Variants in LMNTD1 observed in about 807,000 individuals in gnomAD.
The protein encoded by LMNTD1 is lamin tail domain containing 1.
Under a neutral mutation model 50.9 loss-of-function variants are expected in LMNTD1, and 35 were observed. The ratio of observed to expected loss-of-function variants is 0.69; its 90% CI spans 0.53 to 0.91. The LOEUF is 0.91. Among genes scored for constraint, LMNTD1 ranks in the 40% least tolerant of loss-of-function variants. LMNTD1 has a pLI of 0.00. For synonymous variants in LMNTD1, 153 were observed against 161.9 expected (o/e 0.94, Z 0.42); for missense variants, 470 against 475.5 (o/e 0.99, Z 0.11).
At chr12:25,538,997 T>A (rs1361085020) in intron 4 of LMNTD1, among the ~76,000 whole-genome samples, 317 of 149,984 alleles carry the variant, frequency 2.1e-3, no homozygotes, top group African/African-American at 6.1e-3. Context: ...ATAATGGTAA[T>A]GGGATCAATT....
chr12:25,484,919 G>C (rs1415313721), intron 9 of LMNTD1, among the ~76,000 whole-genome samples: 1 of 149,852 alleles, frequency 6.7e-6, no homozygotes, highest in South Asian at 2.1e-4. Context: ...GGACATTTGG[G>C]TTGGTTCCAA....
chr12:25,644,679 C>T (rs1474845823), intron 1 of LMNTD1, among the ~76,000 whole-genome samples: 1 of 151,976 alleles, frequency 6.6e-6, no homozygotes, highest in African/African-American at 2.4e-5. Context: ...TATATGTTGC[C>T]TGGAATGACA....
chr12:25,570,770 C>G (rs1228045303), intron 1 of LMNTD1, among the ~76,000 whole-genome samples: 1 of 152,170 alleles, frequency 6.6e-6, no homozygotes, highest in East Asian at 1.9e-4. Context: ...CTAAAAGAAA[C>G]TTTTGCTAGC....
chr12:25,600,648 G>C (rs1945946773), intron 1 of LMNTD1, among the ~76,000 whole-genome samples: 1 of 151,974 alleles, frequency 6.6e-6, no homozygotes, highest in African/African-American at 2.4e-5. Context: ...GATTTGAATA[G>C]ACATTTCTCA....
intron 1 of LMNTD1, among the ~76,000 whole-genome samples, chr12:25,572,033 T>G (rs1438320372): frequency 6.6e-6 from 1 of 152,070 alleles, no homozygotes; most frequent in Non-Finnish European, 1.5e-5. Flanking sequence ...AGACCAGAGG[T>G]TCCTCCCCTA....
chr12:25,549,293 A>G (rs777570456), intron 3 of LMNTD1, 33 bp downstream of exon 3: 9 of 1,211,180 alleles, frequency 7.4e-6, no homozygotes, highest in Admixed American at 3.8e-5. Context: ...CTTTAAAAGT[A>G]CTCTAAAAAT....
At chr12:25,535,471 T>C (rs1028084677) in intron 4 of LMNTD1, among the ~76,000 whole-genome samples, 2 of 151,986 alleles carry the variant, frequency 1.3e-5, no homozygotes, top group Non-Finnish European at 2.9e-5. Flanking sequence ...TCAAAAAGCA[T>C]AACAACCCCA....
At chr12:25,597,760 C>T (rs779958757) in intron 1 of LMNTD1, among the ~76,000 whole-genome samples, 1 of 152,134 alleles carries the variant, frequency 6.6e-6, no homozygotes, top group Admixed American at 6.6e-5. Flanking sequence ...CAAGACAAAT[C>T]TTAAAACTTT....
chr12:25,614,913 C>T (rs1459777624), intron 1 of LMNTD1, among the ~76,000 whole-genome samples: 1 of 152,170 alleles, frequency 6.6e-6, no homozygotes, highest in Non-Finnish European at 1.5e-5. Flanking sequence ...ACACTGTCTT[C>T]CCTCTGTTGA....
At chr12:25,536,767 C>T (rs985506871) in intron 4 of LMNTD1, among the ~76,000 whole-genome samples, 1 of 152,266 alleles carries the variant, frequency 6.6e-6, no homozygotes, top group Non-Finnish European at 1.5e-5. Flanking sequence ...CAGCTCCCAG[C>T]CTGAGCGACG....
chr12:25,482,490 A>T, intron 9 of LMNTD1, among the ~76,000 whole-genome samples: 1 of 152,114 alleles, frequency 6.6e-6, no homozygotes. Context: ...CTGTTGACCC[A>T]TTATGCTTTT....
Position 25,575,446 on chromosome 12 carries a change from C to G in LMNTD1, c.59-28892G>C, listed in dbSNP as rs182214162. Among the ~76,000 whole-genome samples, 599 of 152,244 alleles carry G rather than the reference C, an allele frequency of 3.9e-3. 2 individuals carry two copies. Among genetic ancestry groups the G allele is most frequent in the Non-Finnish European group, 5.8e-3 (396 of 68,008 alleles). On this transcript the variant is annotated intron_variant, in intron 1 of 7. Transcript: ENST00000445693. ...CCATAAGAGATTCATTCCAGGGCAA[C>G]AGCAATGCCATAAAATGCCATTGAT...
chr12:25,518,772 G>C, intron 8 of LMNTD1, 23 bp downstream of exon 8: 2 of 1,611,694 alleles, frequency 1.2e-6, no homozygotes, highest in Non-Finnish European at 1.7e-6. Context: ...CTCTCCACTG[G>C]AACAAGCACT....
chr12:25,502,887 A>C (rs938895949), intron 9 of LMNTD1: 2 of 152,258 alleles, frequency 1.3e-5, no homozygotes, highest in Non-Finnish European at 2.9e-5. Flanking sequence ...AGGCTTGTGC[A>C]TACATGAGGA....
Position 25,519,852 on chromosome 12 carries a change from C to A in LMNTD1, c.1016+6G>T, listed in dbSNP as rs1941147855. On this transcript the variant is annotated splice_donor_region_variant and intron_variant, in intron 7 of 9. Coordinates refer to ENST00000458174, the MANE Select transcript of LMNTD1 (RefSeq NM_001145728.2). ...CATTAAAACAAACAAACCAAACAAC[C>A]CTTACCTCTTAAGAAGAACTTGAGC... 1.2e-6 allele frequency: 2 copies of A among 1,600,416 alleles called. No homozygotes were observed. Among genetic ancestry groups the A allele is most frequent in the Admixed American group, 1.7e-5 (1 of 59,814 alleles).
intron 1 of LMNTD1, among the ~76,000 whole-genome samples, chr12:25,570,185 A>G (rs2136349065): frequency 6.6e-6 from 1 of 152,334 alleles, no homozygotes; most frequent in East Asian, 1.9e-4. Context: ...AACATGTTTC[A>G]GGCATGCTCC....
At position 25,538,246 on chromosome 12, in the gene LMNTD1, C is replaced by T. The variant is rs11536014; in HGVS notation, c.491+8128G>A. Among the ~76,000 whole-genome samples, 92 of 75,206 alleles carry T rather than the reference C, an allele frequency of 1.2e-3. 6 individuals are homozygous for T. Among genetic ancestry groups the T allele is most frequent in the African/African-American group, 3.9e-3 (91 of 23,302 alleles). The allele number at this position is 75,206 out of a possible 152,430, so 49.3% of individuals were successfully genotyped here. ...AACGCCACAAAGATACTCCTCGAGA[C>T]GAGCAACTCCAAGACACATAATCGT... On this transcript the variant is annotated intron_variant, in intron 4 of 9. Coordinates refer to ENST00000458174, the MANE Select transcript of LMNTD1 (RefSeq NM_001145728.2).
intron 4 of LMNTD1, among the ~76,000 whole-genome samples, chr12:25,527,537 G>A (rs7303509): frequency 0.58 from 85,971 of 147,342 alleles, 27,525 homozygotes; most frequent in Non-Finnish European, 0.71. Context: ...TTATTAGTGG[G>A]TCAAAAATCA....
In LMNTD1 at chr12:25,526,940, A is replaced by G. The variant is rs1941766261; in HGVS notation, c.507T>C (p.Val169=). ...CCTTGACATTCACTTCAGCTATTTC[A>G]ACATCTCCAAGAGAACTAGAAAATA... ...GQFTSSSLGD[V]EIAEVNVKGL... The change falls in exon 5 of 10, where the codon GTT becomes GTC. Residue 169 remains valine (V), a synonymous_variant. Transcript: ENST00000458174. The G allele has an allele frequency of 1.9e-6, 3 of 1,606,492 alleles. No homozygotes were observed. Among genetic ancestry groups the G allele is most frequent in the Non-Finnish European group, 2.5e-6 (3 of 1,176,536 alleles).
Sources: allele counts gnomAD v4.1 joint callset (sites outside exome capture counted in the v4.1 genomes callset), GRCh38; gene constraint gnomAD v4.1.1; transcripts MANE v1.5; gene names NCBI Gene and HGNC (gene_info 2026-07-23, HGNC 2026-07-21).